Variants in GPR149 observed in about 807,000 individuals in gnomAD.
The protein encoded by GPR149 is G protein-coupled receptor 149.
Under a neutral mutation model 50.2 loss-of-function variants are expected in GPR149, and 50 were observed. The ratio of observed to expected loss-of-function variants is 1.00; its 90% CI spans 0.79 to 1.26. The LOEUF is 1.26. Ranked by LOEUF, GPR149 falls within the 50% of genes most tolerant of loss-of-function variation. GPR149 has a pLI of 0.00. For synonymous variants in GPR149, 405 were observed against 358.2 expected (o/e 1.13, Z -1.48); for missense variants, 983 against 895.4 (o/e 1.10, Z -1.25).
intron 3 of GPR149, among the ~76,000 whole-genome samples, chr3:154,366,891 C>T (rs1441604463): frequency 1.3e-5 from 2 of 152,258 alleles, no homozygotes; most frequent in Non-Finnish European, 2.9e-5. Context: ...GACATGGTCA[C>T]TCATATTGGC....
Position 154,429,788 on chromosome 3 carries a change from G to A in GPR149, c.-173C>T. ...CATGTCTCCTTTAGATCTGACTCAAGCTATATTTAAAAATTAGGTTCCATT... is the reference window on the plus strand; with the variant it reads ...CATGTCTCCTTTAGATCTGACTCAAACTATATTTAAAAATTAGGTTCCATT... On this transcript the variant is annotated 5_prime_UTR_variant, in exon 1 of 4. Transcript: ENST00000389740. 2.1e-6 allele frequency: 1 copy of A among 474,992 alleles called. No homozygotes were observed. 29.4% of individuals were successfully genotyped at this position (474,992 alleles called of 1,614,324 possible). A position where few individuals can be genotyped will look rare whatever the true frequency, so the allele number is the denominator to read the frequency against.
intron 3 of GPR149, among the ~76,000 whole-genome samples, chr3:154,359,350 C>T (rs1310627423): frequency 6.6e-6 from 1 of 152,082 alleles, no homozygotes; most frequent in Non-Finnish European, 1.5e-5. Flanking sequence ...AAGTTACATG[C>T]TATTTGGAAG....
At chr3:154,402,636 T>A (rs1711575595) in intron 3 of GPR149, among the ~76,000 whole-genome samples, 1 of 152,132 alleles carries the variant, frequency 6.6e-6, no homozygotes, top group African/African-American at 2.4e-5. Context: ...ACGGTATGAT[T>A]TCTCTACAAC....
At chr3:154,391,836 G>A (rs1006251141) in intron 3 of GPR149, among the ~76,000 whole-genome samples, 1 of 151,546 alleles carries the variant, frequency 6.6e-6, no homozygotes, top group African/African-American at 2.4e-5. Context: ...AAAAAATCAT[G>A]CTGCAAATTT....
At chr3:154,393,953 T>C (rs1016721716) in intron 3 of GPR149, among the ~76,000 whole-genome samples, 3 of 151,976 alleles carry the variant, frequency 2.0e-5, no homozygotes, top group Non-Finnish European at 4.4e-5. Context: ...CATGTTTGTG[T>C]TGGAACTTAA....
At chr3:154,374,169 C>CTCT (rs1714735695) in intron 3 of GPR149, among the ~76,000 whole-genome samples, 1 of 103,174 alleles carries the variant, frequency 9.7e-6, no homozygotes, top group Non-Finnish European at 1.8e-5. Flanking sequence ...CTTTTCTTTT[C>CTCT]TTTTTTTTTT....
chr3:154,415,149 C>T (rs931400882), intron 3 of GPR149, among the ~76,000 whole-genome samples: 2 of 151,564 alleles, frequency 1.3e-5, no homozygotes, highest in Non-Finnish European at 3.0e-5. Flanking sequence ...AGAGAGTAAC[C>T]AAGAAGAGAT....
chr3:154,378,775 T>A (rs1299321479), intron 3 of GPR149, among the ~76,000 whole-genome samples: 1 of 152,196 alleles, frequency 6.6e-6, no homozygotes, highest in Non-Finnish European at 1.5e-5. Context: ...TGTAGTGGTA[T>A]CTCATTGTGG....
At chr3:154,372,167 C>T (rs572742483) in intron 3 of GPR149, among the ~76,000 whole-genome samples, 5 of 152,200 alleles carry the variant, frequency 3.3e-5, no homozygotes, top group Non-Finnish European at 5.9e-5. Flanking sequence ...AGCTGGGCTT[C>T]CTGGGTCAAG....
chr3:154,350,280 T>A (rs1714043208), intron 3 of GPR149, among the ~76,000 whole-genome samples: 1 of 152,190 alleles, frequency 6.6e-6, no homozygotes, highest in African/African-American at 2.4e-5. Flanking sequence ...GCAGATGACA[T>A]GATTGATTTA....
At chr3:154,385,042 G>T (rs2108408810) in intron 3 of GPR149, among the ~76,000 whole-genome samples, 1 of 152,302 alleles carries the variant, frequency 6.6e-6, no homozygotes, top group Admixed American at 6.5e-5. Context: ...CTGTGCTTCA[G>T]AAATACTATT....
intron 3 of GPR149, among the ~76,000 whole-genome samples, chr3:154,372,420 G>C (rs1023391854): frequency 2.1e-4 from 32 of 152,126 alleles, no homozygotes; most frequent in South Asian, 8.3e-4. Context: ...GTTTTTCTGT[G>C]ATCAGCAGAC....
chr3:154,380,514 A>G (rs540288772), intron 3 of GPR149, among the ~76,000 whole-genome samples: 1 of 152,242 alleles, frequency 6.6e-6, no homozygotes, highest in South Asian at 2.1e-4. Context: ...CTATTCCTAC[A>G]TTTATATGAT....
In GPR149 at chr3:154,429,442, CA is replaced by C. The variant is rs774135587; in HGVS notation, c.173del (p.Leu58ArgfsTer2). On this transcript the variant is annotated frameshift_variant, in exon 1 of 4. Coordinates refer to ENST00000389740, the MANE Select transcript of GPR149 (RefSeq NM_001038705.3). LOFTEE classifies it high-confidence loss of function. Reference protein sequence around the residue: ...LVGSIYSLISLLKMQNRTVVS... With the variant: ...LVGSIYSLISXLKMQNRTVVS... Reference sequence around the variant, plus strand: ...CAACAGTTCTGTTCTGCATTTTCAGCAGGGAAATTAGTGAATAAATGCTGCC... The same window carrying C: ...CAACAGTTCTGTTCTGCATTTTCAGCGGGAAATTAGTGAATAAATGCTGCC... The C allele has an allele frequency of 1.3e-5, 21 of 1,613,974 alleles. No homozygotes were observed. Among genetic ancestry groups the C allele is most frequent in the Non-Finnish European group, 1.8e-5 (21 of 1,180,024 alleles).
In GPR149 at chr3:154,428,988, C is replaced by A; in HGVS notation, c.628G>T (p.Val210Phe). 1 of 1,614,070 alleles carries A rather than the reference C, an allele frequency of 6.2e-7. No individual in the cohort carries two copies. Among genetic ancestry groups the A allele is most frequent in the Non-Finnish European group, 8.5e-7 (1 of 1,180,008 alleles). The stretch of plus-strand genomic sequence containing the variant: ...CACAGCAATCGGTGAGTGAGTGGGA[C>A]TGAGAGGCCCACGAGGAGTCCGAAG... ...LAFGLLVGLSVPLTHRLLCSE... is the reference protein window; with the variant it reads ...LAFGLLVGLSFPLTHRLLCSE... The change falls in exon 1 of 4, where the codon GTC becomes TTC. Residue 210 changes from valine to phenylalanine, a missense_variant. By Grantham distance (50) the Val-to-Phe change is conservative (BLOSUM62 -1). Transcript: ENST00000389740.
chr3:154,412,496 A>AT (rs1312458536), intron 3 of GPR149, among the ~76,000 whole-genome samples: 1 of 152,146 alleles, frequency 6.6e-6, no homozygotes, highest in East Asian at 1.9e-4. Flanking sequence ...ATACAAATTA[A>AT]TGTTCACAAA....
At chr3:154,338,508 G>A (rs1357642227) in intron 3 of GPR149, among the ~76,000 whole-genome samples, 1 of 152,144 alleles carries the variant, frequency 6.6e-6, no homozygotes, top group Non-Finnish European at 1.5e-5. Flanking sequence ...AAGATGAGGG[G>A]CATATTTCCC....
Position 154,378,086 on chromosome 3 carries a change from C to T in GPR149, c.1624-39815G>A, listed in dbSNP as rs1010980073. ...CTCATTATATTGATATATCCCCCCC[C>T]CCTTTTTTTTTTTTTGAGATGGAGT... On this transcript the variant is annotated intron_variant, in intron 3 of 3. Coordinates refer to ENST00000389740, the MANE Select transcript of GPR149 (RefSeq NM_001038705.3). Among the ~76,000 whole-genome samples the T allele has an allele frequency of 3.2e-4, 23 of 72,486 alleles. 1 individual carries two copies. Among genetic ancestry groups the T allele is most frequent in the Admixed American group, 2.3e-3 (14 of 6,082 alleles). The allele number at this position is 72,486 out of a possible 152,430, so 47.6% of individuals were successfully genotyped here.
intron 3 of GPR149, chr3:154,353,227 G>T: frequency 6.6e-7 from 1 of 1,526,194 alleles, no homozygotes. Flanking sequence ...TGAGACCAAT[G>T]ACACTGAATG....
Sources: gnomAD v4.1 joint callset for allele counts (sites outside exome capture counted in the v4.1 genomes callset) on GRCh38, gnomAD v4.1.1 for gene constraint, MANE v1.5 for transcripts, NCBI Gene and HGNC (gene_info 2026-07-23, HGNC 2026-07-21) for gene names.